The following ADK variants were observed in gnomAD, a reference collection of about 807,000 sequenced individuals.
The protein encoded by ADK is N6,N6-dimethyladenosine kinase.
Under a neutral mutation model 44.7 loss-of-function variants are expected in ADK, and 24 were observed. That is an observed-to-expected ratio of 0.54 (90% CI 0.39 to 0.76). The LOEUF is 0.76. ADK is among the 30% of genes least tolerant of loss of function. The pLI is 0.00. For missense variants in ADK, 321 were observed against 425.1 expected, an observed-to-expected ratio of 0.76 and a Z score of 2.15; for synonymous variants, 128 against 142.6, an observed-to-expected ratio of 0.90 and a Z score of 0.73.
chr10:74,569,176 T>C (rs537805103), intron 7 of ADK, among the ~76,000 whole-genome samples: 3 of 152,302 alleles, frequency 2.0e-5, no homozygotes, highest in South Asian at 4.2e-4. Flanking sequence ...CAGTCTATCA[T>C]TGTTGGACAT....
At chr10:74,176,920 G>A in intron 1 of ADK, 1 of 1,608,942 alleles carries the variant, frequency 6.2e-7, no homozygotes. Flanking sequence ...ACTGCTCCGA[G>A]CTGGGCGTTA....
At chr10:74,323,749 T>G (rs1377655347) in intron 4 of ADK, among the ~76,000 whole-genome samples, 1 of 151,918 alleles carries the variant, frequency 6.6e-6, no homozygotes, top group Non-Finnish European at 1.5e-5. Flanking sequence ...TTTTTGCATT[T>G]TTAGTAGAGA....
chr10:74,687,978 C>A (rs1316808857), intron 10 of ADK, among the ~76,000 whole-genome samples: 1 of 152,178 alleles, frequency 6.6e-6, no homozygotes, highest in African/African-American at 2.4e-5. Flanking sequence ...CTTTCCGTTG[C>A]TTCTCACTGC....
chr10:74,366,206 A>T (rs1001011766), intron 4 of ADK, among the ~76,000 whole-genome samples: 1 of 150,646 alleles, frequency 6.6e-6, no homozygotes, highest in Non-Finnish European at 1.5e-5. Flanking sequence ...CTTGAATATT[A>T]TCAGCATCTC....
chr10:74,700,228 G>A (rs1856368506), intron 10 of ADK, among the ~76,000 whole-genome samples: 1 of 152,168 alleles, frequency 6.6e-6, no homozygotes. Flanking sequence ...ACCAATTGAT[G>A]TATAATGATT....
chr10:74,347,777 C>T (rs1227275972), intron 4 of ADK, among the ~76,000 whole-genome samples: 3 of 152,090 alleles, frequency 2.0e-5, no homozygotes, highest in African/African-American at 7.2e-5. Context: ...GTGGTTTTTC[C>T]CTGACAGTAC....
intron 7 of ADK, among the ~76,000 whole-genome samples, chr10:74,530,928 AAAAAG>A (rs1355917013): frequency 6.6e-6 from 1 of 152,176 alleles, no homozygotes; most frequent in African/African-American, 2.4e-5. Context: ...CTCAAAAAGA[AAAAAG>A]AAGGGTATCT....
rs1841136808 is a variant in ADK, at chr10:74,329,302, G to A, written c.273+14557G>A. Among the ~76,000 whole-genome samples, 4 of 152,236 alleles carry A rather than the reference G, an allele frequency of 2.6e-5. No homozygotes were observed. In the South Asian group the frequency reaches 8.3e-4, roughly 32 times the overall value. Reference sequence around the variant, plus strand: ...AGTAAAAAACCAAATAGTCTAGATTGTAACATACCACAGTGATTTGGGGCA... The same window carrying A: ...AGTAAAAAACCAAATAGTCTAGATTATAACATACCACAGTGATTTGGGGCA... On this transcript the variant is annotated intron_variant, in intron 4 of 10. Transcript: ENST00000539909.
chr10:74,194,472 G>A (rs1843053335), intron 1 of ADK, among the ~76,000 whole-genome samples: 1 of 152,084 alleles, frequency 6.6e-6, no homozygotes, highest in African/African-American at 2.4e-5. Context: ...ATGAAATATG[G>A]TAAGTTTGAG....
intron 6 of ADK, among the ~76,000 whole-genome samples, chr10:74,437,117 G>C (rs1244965670): frequency 6.6e-6 from 1 of 151,880 alleles, no homozygotes; most frequent in Non-Finnish European, 1.5e-5. Flanking sequence ...CACTAAGCAA[G>C]TGAAAAAAGA....
At chr10:74,640,770 G>A (rs1295880887) in intron 9 of ADK, among the ~76,000 whole-genome samples, 2 of 152,162 alleles carry the variant, frequency 1.3e-5, no homozygotes, top group African/African-American at 4.8e-5. Context: ...ATAAAAATAG[G>A]CAGCTAGCCA....
chr10:74,665,736 TGAGAGAGAGAGAGAGAGAGAGAGAGAGA>T (rs59620474), intron 9 of ADK, among the ~76,000 whole-genome samples: 2 of 116,208 alleles, frequency 1.7e-5, no homozygotes, highest in African/African-American at 3.5e-5. Flanking sequence ...CCTTAGCTCT[TGAGAGAGAGAGAGAGAGAGAGAGAGAGA>T]GAGAGAGAGA....
chr10:74,541,722 G>A (rs1477191177), intron 7 of ADK, among the ~76,000 whole-genome samples: 1 of 147,880 alleles, frequency 6.8e-6, no homozygotes, highest in African/African-American at 2.5e-5. Flanking sequence ...GAGCCCAGGA[G>A]TTTGAGGCTG....
At chr10:74,297,734 G>A (rs1839869121) in intron 3 of ADK, among the ~76,000 whole-genome samples, 1 of 152,144 alleles carries the variant, frequency 6.6e-6, no homozygotes, top group Admixed American at 6.5e-5. Context: ...ACACATGAAT[G>A]TTATATGAAA....
At chr10:74,158,305 T>C (rs901154316) in intron 1 of ADK, among the ~76,000 whole-genome samples, 1 of 152,206 alleles carries the variant, frequency 6.6e-6, no homozygotes, top group Non-Finnish European at 1.5e-5. Context: ...TGGCTAAATA[T>C]TATCTTTACA....
At chr10:74,532,046 G>A (rs940058176) in intron 7 of ADK, among the ~76,000 whole-genome samples, 6 of 152,048 alleles carry the variant, frequency 3.9e-5, no homozygotes, top group African/African-American at 1.4e-4. Context: ...ACATCAAACC[G>A]AACAATATAT....
chr10:74,534,396 T>C (rs376263617), intron 7 of ADK, among the ~76,000 whole-genome samples: 31 of 152,298 alleles, frequency 2.0e-4, no homozygotes, highest in African/African-American at 7.5e-4. Flanking sequence ...AAGTGCCAAT[T>C]TGTTATTTTT....
At chr10:74,320,056 A>G (rs1840757540) in intron 4 of ADK, among the ~76,000 whole-genome samples, 1 of 152,156 alleles carries the variant, frequency 6.6e-6, no homozygotes, top group Non-Finnish European at 1.5e-5. Flanking sequence ...CTTTTACCAG[A>G]GTTCTTTACT....
chr10:74,657,281 G>A (rs35074621), intron 9 of ADK, among the ~76,000 whole-genome samples: 3,317 of 152,146 alleles, frequency 0.022, 59 homozygotes, highest in Non-Finnish European at 0.038. Context: ...GAAAGTGAAA[G>A]CACCAATCAA....
Sources: gnomAD v4.1 joint callset for allele counts (sites outside exome capture counted in the v4.1 genomes callset) on GRCh38, gnomAD v4.1.1 for gene constraint, MANE v1.5 for transcripts, NCBI Gene and HGNC (gene_info 2026-07-23, HGNC 2026-07-21) for gene names.